Variants in SULT1B1 observed in about 807,000 individuals in gnomAD.
SULT1B1 encodes sulfotransferase 1B1.
A neutral mutation model predicts 34.6 loss-of-function variants in SULT1B1; 28 were observed. The observed-to-expected ratio is 0.81, with a 90% CI of 0.60 to 1.11. The LOEUF is 1.11. Ranked by LOEUF, SULT1B1 falls within the 50% of genes least tolerant of loss-of-function variation. SULT1B1 has a pLI of 0.00. For missense variants in SULT1B1, 374 were observed against 352.2 expected (o/e 1.06, Z -0.50); for synonymous variants, 147 against 110.2 (o/e 1.33, Z -2.09).
At chr4:69,734,870 G>C (rs897385984) in intron 4 of SULT1B1, among the ~76,000 whole-genome samples, 15 of 149,796 alleles carry the variant, frequency 1.0e-4, no homozygotes, top group Non-Finnish European at 1.8e-4. Context: ...CCAGGCTGGA[G>C]TGCAGTGGTG....
At chr4:69,739,466 T>G (rs1263881518) in intron 4 of SULT1B1, among the ~76,000 whole-genome samples, 1 of 152,222 alleles carries the variant, frequency 6.6e-6, no homozygotes, top group African/African-American at 2.4e-5. Flanking sequence ...GCCCAAGCTG[T>G]ACATTGGCCC....
chr4:69,740,563 C>T (rs1228442676), intron 4 of SULT1B1, among the ~76,000 whole-genome samples: 1 of 152,148 alleles, frequency 6.6e-6, no homozygotes, highest in African/African-American at 2.4e-5. Flanking sequence ...GGTAGAGACA[C>T]AGAACAAAAC....
At chr4:69,731,445 G>T (rs1248356675) in intron 6 of SULT1B1, among the ~76,000 whole-genome samples, 1 of 152,162 alleles carries the variant, frequency 6.6e-6, no homozygotes, top group African/African-American at 2.4e-5. Flanking sequence ...TGCCAAAAAT[G>T]CTGGGAACAT....
rs774915767 is a variant in SULT1B1 at position 69,734,267 on chromosome 4, G to T, written c.376-3C>A. ...GCATTACGAGCCAGATAAATCATCT[G>T]CAGTGGGGGGTGGGGGTAGGAGAAA... On this transcript the variant is annotated splice_polypyrimidine_tract_variant and splice_region_variant and intron_variant, in intron 4 of 7. Coordinates refer to ENST00000310613, the MANE Select transcript of SULT1B1 (RefSeq NM_014465.4). 1.1e-5 allele frequency: 18 copies of T among 1,609,914 alleles called. No homozygotes were observed. Among genetic ancestry groups the T allele is most frequent in the Non-Finnish European group, 1.4e-5 (17 of 1,178,278 alleles).
chr4:69,750,400 A>C (rs1439983261), intron 3 of SULT1B1, among the ~76,000 whole-genome samples: 1 of 152,186 alleles, frequency 6.6e-6, no homozygotes, highest in Non-Finnish European at 1.5e-5. Flanking sequence ...TTAACTCTCT[A>C]AAGTCATACA....
At chr4:69,734,430 G>C (rs1280723656) in intron 4 of SULT1B1, among the ~76,000 whole-genome samples, 166 bp from the exon 5 acceptor site, 3 of 152,150 alleles carry the variant, frequency 2.0e-5, no homozygotes, top group Non-Finnish European at 4.4e-5. Context: ...CAATTCAAGT[G>C]ATTTTCAATA....
intron 4 of SULT1B1, among the ~76,000 whole-genome samples, chr4:69,741,442 G>T (rs1718548076): frequency 6.6e-6 from 1 of 152,066 alleles, no homozygotes; most frequent in Admixed American, 6.5e-5. Context: ...TAATTTGATA[G>T]GAATAACATT....
Position 69,735,728 on chromosome 4 carries a change from G to T in SULT1B1, c.376-1464C>A, listed in dbSNP as rs1304675652. Among the ~76,000 whole-genome samples the T allele has an allele frequency of 2.0e-5, 3 of 152,102 alleles. No individual in the cohort carries two copies. In the East Asian group the frequency reaches 5.8e-4, roughly 29 times the overall value. On this transcript the variant is annotated intron_variant, in intron 4 of 7. Coordinates refer to ENST00000310613, the MANE Select transcript of SULT1B1 (RefSeq NM_014465.4). ...AAAACAAAACTGAGATGAATCAAAT[G>T]TTAAGTTATCTGACAAAGATTTAAA...
chr4:69,758,659 A>C (rs1047115878), intron 1 of SULT1B1, among the ~76,000 whole-genome samples: 1 of 152,212 alleles, frequency 6.6e-6, no homozygotes, highest in African/African-American at 2.4e-5. Flanking sequence ...AAGTGAATGA[A>C]TATTGAGGGA....
chr4:69,743,345 G>A (rs1271552630), intron 4 of SULT1B1, among the ~76,000 whole-genome samples: 2 of 152,186 alleles, frequency 1.3e-5, no homozygotes, highest in African/African-American at 4.8e-5. Context: ...TCTGTAGCTG[G>A]TCCTCCCGTC....
rs961040985 is a variant in SULT1B1 at position 69,725,888 on chromosome 4, G to T, written c.*1200C>A. On this transcript the variant is annotated 3_prime_UTR_variant, in exon 8 of 8. Transcript: ENST00000310613. ...GGCCTGTTGTGGGGTGGAGGGAGGG[G>T]GGAAGGATAGCATTAGGAGGTATAC... 2.0e-5 allele frequency: 3 copies of T among 151,154 alleles called. No individual in the cohort carries two copies. Among genetic ancestry groups the T allele is most frequent in the East Asian group, 2.0e-4 (1 of 5,098 alleles). 9.4% of individuals were successfully genotyped at this position (151,154 alleles called of 1,614,324 possible).
At chr4:69,756,147 G>A (rs1426011241) in intron 1 of SULT1B1, among the ~76,000 whole-genome samples, 2 of 151,480 alleles carry the variant, frequency 1.3e-5, no homozygotes, top group Admixed American at 6.6e-5. Flanking sequence ...TTATTTTTTT[G>A]TTCTCAACTT....
intron 4 of SULT1B1, among the ~76,000 whole-genome samples, chr4:69,740,881 A>G (rs1028594807): frequency 4.6e-5 from 7 of 151,994 alleles, no homozygotes; most frequent in Middle Eastern, 3.2e-3. Context: ...TGCAGAAACT[A>G]TTTAATTTAA....
intron 6 of SULT1B1, 119 bp downstream of exon 6, chr4:69,733,294 T>C (rs1718155379): frequency 1.7e-6 from 1 of 590,352 alleles, no homozygotes; most frequent in Non-Finnish European, 2.9e-6. Flanking sequence ...AAACACATGG[T>C]GGATAGGCAA....
rs371150070 is a variant in SULT1B1, at chr4:69,734,272, G to A, written c.376-8C>T. The A allele has an allele frequency of 3.1e-6, 5 of 1,605,882 alleles. No individual in the cohort carries two copies. The African/African-American group carries it at 5.4e-5, about 17-fold the overall frequency. Reference sequence around the variant, plus strand: ...ACGAGCCAGATAAATCATCTGCAGTGGGGGGTGGGGGTAGGAGAAAAAAAT... The same window carrying A: ...ACGAGCCAGATAAATCATCTGCAGTAGGGGGTGGGGGTAGGAGAAAAAAAT... On this transcript the variant is annotated splice_polypyrimidine_tract_variant and splice_region_variant and intron_variant, in intron 4 of 7. Coordinates refer to ENST00000310613, the MANE Select transcript of SULT1B1 (RefSeq NM_014465.4).
chr4:69,739,647 C>T (rs1718462934), intron 4 of SULT1B1, among the ~76,000 whole-genome samples: 1 of 152,206 alleles, frequency 6.6e-6, no homozygotes, highest in Admixed American at 6.5e-5. Context: ...AGACCTTTAC[C>T]ACATTGTCTA....
At chr4:69,747,395 C>T (rs143097110) in intron 4 of SULT1B1, among the ~76,000 whole-genome samples, 27 of 152,334 alleles carry the variant, frequency 1.8e-4, no homozygotes, top group Admixed American at 5.2e-4. Context: ...ATGACAGCGG[C>T]TGCTGGCAAG....
intron 4 of SULT1B1, among the ~76,000 whole-genome samples, chr4:69,749,081 A>G (rs1718868530): frequency 6.6e-6 from 1 of 152,120 alleles, no homozygotes; most frequent in African/African-American, 2.4e-5. Context: ...ACTAGCTTTA[A>G]TAATATCAAT....
intron 4 of SULT1B1, among the ~76,000 whole-genome samples, chr4:69,741,529 T>C (rs1718553078): frequency 6.6e-6 from 1 of 152,260 alleles, no homozygotes; most frequent in Admixed American, 6.5e-5. Flanking sequence ...TGAAATGTTC[T>C]TCCATTAGTT....
Sources: allele counts gnomAD v4.1 joint callset (sites outside exome capture counted in the v4.1 genomes callset), GRCh38; gene constraint gnomAD v4.1.1; transcripts MANE v1.5; gene names NCBI Gene and HGNC (gene_info 2026-07-23, HGNC 2026-07-21).